Variants in RABGAP1L observed in about 807,000 individuals in gnomAD.
RABGAP1L encodes RAB GTPase activating protein 1 like, also known as rab GTPase-activating protein 1-like.
RABGAP1L carries 63 observed loss-of-function variants against 137.7 expected under a neutral mutation model. That is an observed-to-expected ratio of 0.46 (90% confidence interval 0.37 to 0.56). The LOEUF (loss-of-function observed/expected upper bound fraction) is 0.56. Ranked by LOEUF, RABGAP1L falls within the 20% of genes least tolerant of loss-of-function variation. The pLI is 0.00. For missense variants in RABGAP1L, 1,095 were observed against 1,244.0 expected, an observed-to-expected ratio of 0.88 and a Z score of 1.80; for synonymous variants, 431 against 433.7, an observed-to-expected ratio of 0.99 and a Z score of 0.08.
chr1:174,905,666 C>T (rs189236513), intron 19 of RABGAP1L, among the ~76,000 whole-genome samples: 73 of 152,104 alleles, frequency 4.8e-4, no homozygotes, highest in African/African-American at 1.6e-3. Context: ...GCGTGGCCAA[C>T]GTGATGAAAC....
chr1:174,305,244 A>G (rs570150928), intron 11 of RABGAP1L, 117 bp downstream of exon 11: 13 of 1,041,176 alleles, frequency 1.2e-5, no homozygotes, highest in Non-Finnish European at 1.6e-5. Flanking sequence ...CTCTGTTACC[A>G]TTAGGCCAAA....
intron 5 of RABGAP1L, among the ~76,000 whole-genome samples, chr1:174,250,238 G>C: frequency 6.6e-6 from 1 of 151,634 alleles, no homozygotes; most frequent in Non-Finnish European, 1.5e-5. Context: ...TTTAGAGTTT[G>C]GATGGTCTAC....
chr1:174,370,988 A>G lies in RABGAP1L; in HGVS notation c.1475A>G (p.Asn492Ser), dbSNP rs1461469500. 6.8e-7 allele frequency: 1 copy of G among 1,478,100 alleles called. No individual in the cohort carries two copies. The allele number at this position is 1,478,100 out of a possible 1,614,324, so 91.6% of individuals were successfully genotyped here. A position where few individuals can be genotyped will look rare whatever the true frequency, so the allele number is the denominator to read the frequency against. The change falls in exon 12 of 26, where the codon AAT (asparagine) becomes AGT (serine). Residue 492 changes from asparagine (N) to serine (S), a missense_variant. Asn to Ser is a conservative substitution (Grantham distance 46). Transcript: ENST00000681986. ...TGCGTTTCTTCTGCAGAGAGTGATA[A>G]TGAACTCTCAAGTGGAACAGGTGAT... Reference protein sequence around the residue: ...QDDEAEEESDNELSSGTGDVS... With the variant: ...QDDEAEEESDSELSSGTGDVS...
rs145739665 is a variant in RABGAP1L, at chr1:174,495,370, TC to T, written c.1710+101230del. Among the ~76,000 whole-genome samples, 609 of 152,226 alleles carry T rather than the reference TC, an allele frequency of 4.0e-3. 6 individuals carry two copies. Among genetic ancestry groups the T allele is most frequent in the African/African-American group, 0.012 (493 of 41,548 alleles). ...CCCTTGCTCCTCTTTTTCTAGCTCT[TC>T]CCCCATTCACCTATGGAATCATCTG... On this transcript the variant is annotated intron_variant, in intron 13 of 25. Coordinates refer to ENST00000681986, the MANE Select transcript of RABGAP1L (RefSeq NM_001366446.1).
chr1:174,293,053 T>TA (rs550971072), intron 10 of RABGAP1L, among the ~76,000 whole-genome samples: 185 of 152,278 alleles, frequency 1.2e-3, no homozygotes, highest in Non-Finnish European at 1.6e-3. Flanking sequence ...CCCTAAAACT[T>TA]ACACATAAAA....
chr1:174,697,422 G>A (rs1679341288), intron 15 of RABGAP1L, among the ~76,000 whole-genome samples: 1 of 151,980 alleles, frequency 6.6e-6, no homozygotes, highest in Non-Finnish European at 1.5e-5. Flanking sequence ...CCCAGGTCAA[G>A]CAGTTCTCCT....
At chr1:174,382,695 A>AT (rs1458862249) in intron 12 of RABGAP1L, among the ~76,000 whole-genome samples, 1 of 104,468 alleles carries the variant, frequency 9.6e-6, no homozygotes, top group African/African-American at 3.7e-5. Context: ...ATTCTTCTAA[A>AT]TTTTTTTCAA....
chr1:174,565,740 A>G (rs1332946009), intron 13 of RABGAP1L, among the ~76,000 whole-genome samples: 2 of 152,190 alleles, frequency 1.3e-5, no homozygotes, highest in East Asian at 1.9e-4. Context: ...AATGCAATAA[A>G]TGTTTTCAGA....
intron 1 of RABGAP1L, among the ~76,000 whole-genome samples, chr1:174,170,241 G>A (rs1437017501): frequency 1.3e-5 from 2 of 152,118 alleles, no homozygotes; most frequent in Non-Finnish European, 2.9e-5. Context: ...CTAATATTGA[G>A]TGTTTACATG....
At chr1:174,783,441 C>T (rs1687184927) in intron 18 of RABGAP1L, among the ~76,000 whole-genome samples, 3 of 152,032 alleles carry the variant, frequency 2.0e-5, no homozygotes, top group Admixed American at 2.0e-4. Flanking sequence ...AAAGACCCAC[C>T]CTGCCCCCGC....
chr1:174,511,698 C>T (rs1662359028), intron 13 of RABGAP1L, among the ~76,000 whole-genome samples: 1 of 151,674 alleles, frequency 6.6e-6, no homozygotes, highest in Non-Finnish European at 1.5e-5. Context: ...TCTTGGCTCA[C>T]CACAACCTCC....
chr1:174,662,886 A>C (rs1447523859), intron 14 of RABGAP1L, among the ~76,000 whole-genome samples: 3 of 152,234 alleles, frequency 2.0e-5, no homozygotes, highest in Non-Finnish European at 4.4e-5. Flanking sequence ...CAAATAAATG[A>C]AAAAATTTTA....
intron 14 of RABGAP1L, among the ~76,000 whole-genome samples, chr1:174,654,835 C>T (rs1398607272): frequency 6.6e-6 from 1 of 152,086 alleles, no homozygotes; most frequent in Non-Finnish European, 1.5e-5. Flanking sequence ...TAGTTTTCTA[C>T]ATTTATTGTC....
intron 13 of RABGAP1L, among the ~76,000 whole-genome samples, chr1:174,599,116 G>T (rs1670222611): frequency 6.6e-6 from 1 of 151,894 alleles, no homozygotes; most frequent in Non-Finnish European, 1.5e-5. Flanking sequence ...AGGTATTTCA[G>T]GGTTACCACA....
At chr1:174,577,103 T>C (rs764746402) in intron 13 of RABGAP1L, among the ~76,000 whole-genome samples, 4 of 151,816 alleles carry the variant, frequency 2.6e-5, no homozygotes, top group Non-Finnish European at 5.9e-5. Context: ...GAGGACCCCT[T>C]AAGCCCAGGA....
At chr1:174,599,295 A>G (rs1007624793) in intron 13 of RABGAP1L, among the ~76,000 whole-genome samples, 1 of 152,188 alleles carries the variant, frequency 6.6e-6, no homozygotes, top group African/African-American at 2.4e-5. Flanking sequence ...TTATTACACT[A>G]TCTCTTAAAA....
intron 13 of RABGAP1L, among the ~76,000 whole-genome samples, chr1:174,573,767 A>G (rs1394340655): frequency 6.6e-6 from 1 of 152,192 alleles, no homozygotes; most frequent in East Asian, 1.9e-4. Flanking sequence ...TGCAAAAAAA[A>G]AAATAAAGTT....
At chr1:174,434,152 C>CACACACACACACACACACACACACA (rs1652994776) in intron 13 of RABGAP1L, among the ~76,000 whole-genome samples, 4 of 146,080 alleles carry the variant, frequency 2.7e-5, no homozygotes, top group African/African-American at 9.9e-5. Flanking sequence ...CACACACACA[C>CACACACACACACACACACACACACA]CCTGCCTGGG....
intron 19 of RABGAP1L, among the ~76,000 whole-genome samples, chr1:174,925,203 A>G (rs1662526595): frequency 1.3e-5 from 2 of 151,960 alleles, no homozygotes; most frequent in African/African-American, 4.8e-5. Context: ...GTCTCTACTA[A>G]AAATACAAAA....
Sources: gnomAD v4.1 joint callset for allele counts (sites outside exome capture counted in the v4.1 genomes callset) on GRCh38, gnomAD v4.1.1 for gene constraint, MANE v1.5 for transcripts, NCBI Gene and HGNC (gene_info 2026-07-23, HGNC 2026-07-21) for gene names.